OR2L13: variants seen among roughly 807,000 people sequenced by gnomAD.
The protein encoded by OR2L13 is olfactory receptor family 2 subfamily L member 13.
OR2L13 carries 14 observed loss-of-function variants against 15.3 expected under a neutral mutation model. The observed-to-expected ratio is 0.91, with a 90% CI of 0.60 to 1.43. The LOEUF (loss-of-function observed/expected upper bound fraction) is 1.43. Ranked by LOEUF, OR2L13 falls within the 40% of genes most tolerant of loss-of-function variation. The pLI, the probability that OR2L13 is intolerant of heterozygous loss-of-function variation, is 0.00. For missense variants in OR2L13, 367 were observed against 387.9 expected (o/e 0.95, Z 0.45); for synonymous variants, 152 against 142.9 (o/e 1.06, Z -0.45).
the OR2L13 span, chr1:248,061,232 T>C: frequency 1.2e-6 from 2 of 1,611,164 alleles, no homozygotes; most frequent in Admixed American, 1.7e-5. Flanking sequence ...CCAGCAATGG[T>C]GACTCTGGCC....
the OR2L13 span, among the ~76,000 whole-genome samples, chr1:248,050,092 A>G: frequency 1.3e-5 from 2 of 152,150 alleles, no homozygotes; most frequent in African/African-American, 4.8e-5. Context: ...ATGTGTGGAG[A>G]GAGTCTGTGA....
the OR2L13 span, among the ~76,000 whole-genome samples, chr1:248,012,594 T>G: frequency 6.6e-6 from 1 of 152,186 alleles, no homozygotes; most frequent in Non-Finnish European, 1.5e-5. Flanking sequence ...CATCTACTTT[T>G]ATGTTCAAAG....
the OR2L13 span, among the ~76,000 whole-genome samples, chr1:248,005,476 A>G: frequency 1.3e-5 from 2 of 152,090 alleles, no homozygotes; most frequent in Non-Finnish European, 2.9e-5. Flanking sequence ...GAAGTTTGGT[A>G]CTTTTATGCC....
chr1:248,099,987 C>A (rs1359748583), exon 3 of OR2L13: 2 of 1,614,138 alleles, frequency 1.2e-6, no homozygotes, highest in South Asian at 2.2e-5. Context: ...GTACAAGCCT[C>A]TTTCTCCTTT....
the OR2L13 span, chr1:248,040,382 G>A: frequency 1.3e-5 from 2 of 152,220 alleles, no homozygotes; most frequent in Non-Finnish European, 2.9e-5. Context: ...TATTATCCAA[G>A]TGACAGCAGT....
chr1:248,099,904 T>C (rs1360473168), exon 3 of OR2L13: 2 of 1,614,084 alleles, frequency 1.2e-6, no homozygotes, highest in Admixed American at 1.7e-5. Context: ...TGACCATTTC[T>C]TCTGCGATGT....
chr1:248,080,046 A>G, the OR2L13 span, among the ~76,000 whole-genome samples: 1 of 152,154 alleles, frequency 6.6e-6, no homozygotes, highest in Non-Finnish European at 1.5e-5. Context: ...TAGAATAATG[A>G]TTTCCTTTGT....
At chr1:248,023,360 G>T in the OR2L13 span, 1 of 152,256 alleles carries the variant, frequency 6.6e-6, no homozygotes, top group East Asian at 1.9e-4. Flanking sequence ...TTTACCTCAG[G>T]ATAAATAAGT....
At chr1:248,004,605 TACC>T in the OR2L13 span, among the ~76,000 whole-genome samples, 1 of 152,200 alleles carries the variant, frequency 6.6e-6, no homozygotes, top group African/African-American at 2.4e-5. Flanking sequence ...TAAGTCCTGA[TACC>T]ACGCTGGATG....
At chr1:248,097,858 A>C (rs1046881195) in intron 1 of OR2L13, among the ~76,000 whole-genome samples, 3 of 152,228 alleles carry the variant, frequency 2.0e-5, no homozygotes, top group Admixed American at 6.5e-5. Flanking sequence ...AGGCCTGGGC[A>C]CATCAGGACA....
At chr1:248,052,332 T>C in the OR2L13 span, among the ~76,000 whole-genome samples, 4 of 152,210 alleles carry the variant, frequency 2.6e-5, no homozygotes, top group Non-Finnish European at 5.9e-5. Context: ...TTACCATGTA[T>C]ATGAGAGGCT....
chr1:248,077,237 G>A, the OR2L13 span, among the ~76,000 whole-genome samples: 1 of 152,116 alleles, frequency 6.6e-6, no homozygotes, highest in African/African-American at 2.4e-5. Flanking sequence ...TGCTGGATTC[G>A]GTTTGCCAGT....
the OR2L13 span, among the ~76,000 whole-genome samples, chr1:248,029,776 C>T: frequency 6.6e-6 from 1 of 152,142 alleles, no homozygotes; most frequent in East Asian, 1.9e-4. Flanking sequence ...TAACAACATT[C>T]AAACTATAGG....
the OR2L13 span, chr1:248,040,594 C>A: frequency 6.6e-6 from 1 of 152,174 alleles, no homozygotes; most frequent in Non-Finnish European, 1.5e-5. Context: ...AAATAGTAAA[C>A]ATATTTTCTC....
chr1:248,006,241 A>ATGTG, the OR2L13 span, among the ~76,000 whole-genome samples: 1 of 127,822 alleles, frequency 7.8e-6, no homozygotes, highest in Non-Finnish European at 1.7e-5. Context: ...ATATTGCAAG[A>ATGTG]TATGTGTGTG....
At chr1:248,087,888 T>A in the OR2L13 span, among the ~76,000 whole-genome samples, 1 of 152,322 alleles carries the variant, frequency 6.6e-6, no homozygotes, top group South Asian at 2.1e-4. Context: ...TCATTGATAA[T>A]CCTTGAATAT....
chr1:247,946,133 G>C, the OR2L13 span, among the ~76,000 whole-genome samples: 2 of 152,084 alleles, frequency 1.3e-5, no homozygotes, highest in Non-Finnish European at 2.9e-5. Flanking sequence ...TAAAATGAGA[G>C]TGCAATTTTC....
chr1:248,047,692 CAG>C, the OR2L13 span, among the ~76,000 whole-genome samples: 1 of 152,106 alleles, frequency 6.6e-6, no homozygotes, highest in African/African-American at 2.4e-5. Flanking sequence ...AACAACCACA[CAG>C]AGTTTTGTGA....
At chr1:247,975,000 G>T in the OR2L13 span, 1 of 309,596 alleles carries the variant, frequency 3.2e-6, no homozygotes. Context: ...TTTCTGTTTG[G>T]AAACAAGTCT....
Sources: allele counts gnomAD v4.1 joint callset (sites outside exome capture counted in the v4.1 genomes callset), GRCh38; gene constraint gnomAD v4.1.1; transcripts MANE v1.5; gene names NCBI Gene and HGNC (gene_info 2026-07-23, HGNC 2026-07-21).